PDE1C: variants seen among roughly 807,000 people sequenced by gnomAD.
The protein encoded by PDE1C is phosphodiesterase 1C, also known as dual specificity calcium/calmodulin-dependent 3',5'-cyclic nucleotide phosphodiesterase 1C.
A neutral mutation model predicts 93.1 loss-of-function variants in PDE1C; 62 were observed. The ratio of observed to expected loss-of-function variants is 0.67; its 90% CI spans 0.54 to 0.82. The LOEUF is 0.82. Among genes scored for constraint, PDE1C ranks in the 40% least tolerant of loss-of-function variants. The probability of loss-of-function intolerance (pLI) is 0.00; values close to 1 mark genes in which losing one functional copy is unlikely to be tolerated. For synonymous variants in PDE1C, 325 were observed against 310.1 expected (o/e 1.05, Z -0.50); for missense variants, 742 against 884.6 (o/e 0.84, Z 2.04).
chr7:32,010,863 AT>A (rs1786989375), intron 2 of PDE1C, among the ~76,000 whole-genome samples: 1 of 152,216 alleles, frequency 6.6e-6, no homozygotes, highest in African/African-American at 2.4e-5. Flanking sequence ...AGAGCCCATC[AT>A]AATGACTTCA....
intron 2 of PDE1C, among the ~76,000 whole-genome samples, chr7:32,010,090 T>A (rs773308242): frequency 6.6e-6 from 1 of 152,238 alleles, no homozygotes; most frequent in African/African-American, 2.4e-5. Context: ...GTTAAGATAT[T>A]ATCTCCTCAA....
chr7:31,676,701 G>A, the PDE1C span, among the ~76,000 whole-genome samples: 113 of 152,146 alleles, frequency 7.4e-4, no homozygotes, highest in African/African-American at 2.5e-3. Flanking sequence ...TAAGACAGAA[G>A]TAGAATTTAA....
chr7:31,920,788 C>T (rs113773496), intron 2 of PDE1C, among the ~76,000 whole-genome samples: 1 of 152,262 alleles, frequency 6.6e-6, no homozygotes, highest in African/African-American at 2.4e-5. Context: ...AACAGCATGG[C>T]CTCTCCAGAA....
the PDE1C span, among the ~76,000 whole-genome samples, chr7:31,732,218 C>T: frequency 6.6e-5 from 10 of 152,188 alleles, no homozygotes; most frequent in African/African-American, 2.4e-4. Flanking sequence ...GTGGTACCAG[C>T]TGAATTATGG....
chr7:31,722,938 C>T, the PDE1C span, among the ~76,000 whole-genome samples: 2 of 152,150 alleles, frequency 1.3e-5, no homozygotes, highest in Non-Finnish European at 2.9e-5. Flanking sequence ...TATGTTTTCT[C>T]ATATCTTCAT....
intron 3 of PDE1C, among the ~76,000 whole-genome samples, chr7:32,110,133 T>C (rs993101512): frequency 1.3e-5 from 2 of 152,180 alleles, no homozygotes; most frequent in African/African-American, 4.8e-5. Flanking sequence ...GTAAATAACA[T>C]TTTTTGGAAT....
the PDE1C span, among the ~76,000 whole-genome samples, chr7:31,692,971 A>G: frequency 6.6e-6 from 1 of 152,174 alleles, no homozygotes; most frequent in Non-Finnish European, 1.5e-5. Flanking sequence ...TTTATTGTCA[A>G]TCTGTTTCCT....
chr7:31,742,093 G>A, the PDE1C span, among the ~76,000 whole-genome samples: 2 of 152,126 alleles, frequency 1.3e-5, no homozygotes, highest in South Asian at 2.1e-4. Context: ...ATGAATCAGT[G>A]GTATTCTAGA....
At chr7:32,178,318 C>G (rs1326020555) in intron 2 of PDE1C, among the ~76,000 whole-genome samples, 2 of 152,164 alleles carry the variant, frequency 1.3e-5, no homozygotes, top group African/African-American at 2.4e-5. Context: ...CCTCTGTGAA[C>G]TCTGAGAGAG....
the PDE1C span, among the ~76,000 whole-genome samples, chr7:31,664,833 C>A: frequency 6.6e-6 from 1 of 152,178 alleles, no homozygotes; most frequent in African/African-American, 2.4e-5. Context: ...ATCAAGACAT[C>A]CATGCTCATA....
At chr7:32,173,069 T>C (rs1399780716) in intron 2 of PDE1C, among the ~76,000 whole-genome samples, 2 of 152,156 alleles carry the variant, frequency 1.3e-5, no homozygotes, top group Admixed American at 6.5e-5. Flanking sequence ...CATATGTTTA[T>C]TGCAGCACTA....
rs879389803 is a variant in PDE1C, at chr7:31,968,448, T to G, written c.128+83106A>C. 4.0e-3 allele frequency among the ~76,000 whole-genome samples: 608 copies of G among 151,748 alleles called. 5 individuals carry two copies. The highest frequency in any genetic ancestry group is 7.3e-3 in the African/African-American group (300 of 41,350). Reference sequence around the variant, plus strand: ...AGGAGAACTACAAACCACTGCTCAATGAAATAAAAGAGGATACAAACAAAT... The same window carrying G: ...AGGAGAACTACAAACCACTGCTCAAGGAAATAAAAGAGGATACAAACAAAT... On this transcript the variant is annotated intron_variant, in intron 2 of 17. Transcript: ENST00000396191.
chr7:31,633,741 T>C, the PDE1C span, among the ~76,000 whole-genome samples: 1 of 152,188 alleles, frequency 6.6e-6, no homozygotes, highest in Non-Finnish European at 1.5e-5. Flanking sequence ...TTTTGTACCA[T>C]TGGAGGACAG....
At chr7:32,005,642 G>A (rs1786138263) in intron 2 of PDE1C, among the ~76,000 whole-genome samples, 1 of 142,338 alleles carries the variant, frequency 7.0e-6, no homozygotes, top group Non-Finnish European at 1.5e-5. Context: ...CTGTGTAAAA[G>A]AAGGGGTGTA....
At chr7:32,337,775 T>C (rs897035036) in intron 1 of PDE1C, among the ~76,000 whole-genome samples, 6 of 151,840 alleles carry the variant, frequency 4.0e-5, no homozygotes, top group African/African-American at 1.5e-4. Flanking sequence ...ATTCAGTTTT[T>C]AGAGGTCAAA....
At chr7:32,229,625 C>A (rs1807544357) in intron 1 of PDE1C, among the ~76,000 whole-genome samples, 1 of 152,176 alleles carries the variant, frequency 6.6e-6, no homozygotes, top group Admixed American at 6.5e-5. Flanking sequence ...TCACAGGCAT[C>A]TAGACCATCC....
chr7:32,088,339 C>G (rs1797252248), intron 3 of PDE1C, among the ~76,000 whole-genome samples: 1 of 152,164 alleles, frequency 6.6e-6, no homozygotes, highest in African/African-American at 2.4e-5. Context: ...AGAGTTTGCT[C>G]TTCAAAAGTA....
At chr7:31,644,697 C>A in the PDE1C span, among the ~76,000 whole-genome samples, 1 of 152,142 alleles carries the variant, frequency 6.6e-6, no homozygotes, top group Non-Finnish European at 1.5e-5. Context: ...CCTTCCAGTA[C>A]CTCCTTTTTA....
intron 1 of PDE1C, among the ~76,000 whole-genome samples, chr7:32,384,616 A>G (rs1244951301): frequency 6.6e-6 from 1 of 152,182 alleles, no homozygotes; most frequent in East Asian, 1.9e-4. Flanking sequence ...CAAGGAGTGG[A>G]GAGACAACCT....
Sources: allele counts gnomAD v4.1 joint callset (sites outside exome capture counted in the v4.1 genomes callset), GRCh38; gene constraint gnomAD v4.1.1; transcripts MANE v1.5; gene names NCBI Gene and HGNC (gene_info 2026-07-23, HGNC 2026-07-21).